The following RBFOX1 variants were observed in gnomAD, a reference collection of about 807,000 sequenced individuals.
The protein encoded by RBFOX1 is RNA binding fox-1 homolog 1.
RBFOX1 carries 8 observed loss-of-function variants against 57.7 expected under a neutral mutation model. The observed-to-expected ratio is 0.14, with a 90% CI of 0.08 to 0.25. The LOEUF (loss-of-function observed/expected upper bound fraction) is 0.25, where lower values mean the gene tolerates loss of function less well. Ranked by LOEUF, RBFOX1 falls within the 10% of genes least tolerant of loss-of-function variation. RBFOX1 has a pLI of 1.00. For missense variants in RBFOX1, 611 were observed against 548.5 expected (o/e 1.11, Z -1.14); for synonymous variants, 326 against 222.4 (o/e 1.47, Z -4.15).
intron 2 of RBFOX1, among the ~76,000 whole-genome samples, chr16:5,578,825 CCA>C (rs139917677): frequency 7.8e-6 from 1 of 129,020 alleles, no homozygotes; most frequent in Non-Finnish European, 1.6e-5. Flanking sequence ...CATGAAACCT[CCA>C]CACACACACA....
rs961386659 is a variant in RBFOX1, at chr16:7,261,041, A to G, written c.27+208943A>G. On this transcript the variant is annotated intron_variant, in intron 4 of 15. Coordinates refer to ENST00000550418, the MANE Select transcript of RBFOX1 (RefSeq NM_018723.4). ...TTCTCCCAAGCCTACCTTGGCGTCT[A>G]TGACTCCACCTGAAAAATGGCCCAA... is the stretch of plus-strand genomic sequence containing the variant. Among the ~76,000 whole-genome samples the G allele has an allele frequency of 4.6e-5, 7 of 152,292 alleles. No individual in the cohort carries two copies. In the East Asian group the frequency reaches 1.2e-3, roughly 25 times the overall value.
Position 5,355,057 on chromosome 16 carries a change from A to G in RBFOX1, c.220-112159A>G, listed in dbSNP as rs376141067. 5.9e-5 allele frequency among the ~76,000 whole-genome samples: 9 copies of G among 152,108 alleles called. No individual in the cohort carries two copies. The East Asian group carries it at 1.7e-3, about 29-fold the overall frequency. ...ACAGAGAAGGGGACAGACAGAGAAG[A>G]GAGAGAAAGAGAGAAATAAGAGAGA... On this transcript the variant is annotated intron_variant, in intron 1 of 2. Coordinates refer to the RBFOX1 transcript ENST00000585867.
chr16:6,903,995 A>C (rs2069125266), intron 3 of RBFOX1, among the ~76,000 whole-genome samples: 1 of 152,132 alleles, frequency 6.6e-6, no homozygotes, highest in South Asian at 2.1e-4. Context: ...GGGAGTGACC[A>C]CGTGGTCACA....
intron 3 of RBFOX1, among the ~76,000 whole-genome samples, chr16:5,662,021 C>T (rs547182447): frequency 6.6e-6 from 1 of 152,046 alleles, no homozygotes; most frequent in South Asian, 2.1e-4. Context: ...CTCCTGACGT[C>T]GTAATCCACT....
chr16:7,006,195 G>A (rs1172277178), intron 3 of RBFOX1, among the ~76,000 whole-genome samples: 1 of 151,648 alleles, frequency 6.6e-6, no homozygotes, highest in East Asian at 1.9e-4. Context: ...TCTGTTTGTT[G>A]CCAGGCTGGA....
intron 1 of RBFOX1, among the ~76,000 whole-genome samples, chr16:5,245,352 G>C (rs919037808): frequency 7.2e-5 from 11 of 152,174 alleles, no homozygotes; most frequent in African/African-American, 2.4e-4. Context: ...TGGGACCCAG[G>C]GGGCAATGTG....
chr16:7,369,400 C>G (rs1480525629), intron 4 of RBFOX1, among the ~76,000 whole-genome samples: 4 of 152,030 alleles, frequency 2.6e-5, no homozygotes, highest in Admixed American at 2.0e-4. Flanking sequence ...CTCCCTCAAG[C>G]CCTTTCATCT....
chr16:6,954,811 G>A (rs750317555), intron 3 of RBFOX1, among the ~76,000 whole-genome samples: 1 of 152,220 alleles, frequency 6.6e-6, no homozygotes, highest in African/African-American at 2.4e-5. Flanking sequence ...AGAAGGGTTC[G>A]AACCTCATTT....
chr16:7,272,676 A>G (rs2095347988), intron 4 of RBFOX1, among the ~76,000 whole-genome samples: 1 of 151,942 alleles, frequency 6.6e-6, no homozygotes, highest in African/African-American at 2.4e-5. Context: ...AGGGGGAGGG[A>G]TGGAAGGAGG....
chr16:6,847,356 G>C (rs915212434), intron 3 of RBFOX1, among the ~76,000 whole-genome samples: 1 of 152,128 alleles, frequency 6.6e-6, no homozygotes, highest in Non-Finnish European at 1.5e-5. Context: ...CAACTGCAAG[G>C]GGGTCTTCAA....
At chr16:5,803,417 C>G (rs1220889454) in intron 3 of RBFOX1, among the ~76,000 whole-genome samples, 1 of 152,204 alleles carries the variant, frequency 6.6e-6, no homozygotes, top group Non-Finnish European at 1.5e-5. Context: ...AGTTCCCACA[C>G]TGACCAGATC....
chr16:6,785,961 A>C (rs942271257), intron 3 of RBFOX1, among the ~76,000 whole-genome samples: 3 of 152,214 alleles, frequency 2.0e-5, no homozygotes, highest in Admixed American at 2.0e-4. Flanking sequence ...CCCAGGTGGC[A>C]CTTACCAACA....
intron 2 of RBFOX1, among the ~76,000 whole-genome samples, chr16:6,387,334 A>G (rs1855161459): frequency 6.6e-6 from 1 of 152,052 alleles, no homozygotes; most frequent in African/African-American, 2.4e-5. Context: ...CACTCAGAGC[A>G]CTCAGCGCCT....
chr16:6,718,477 G>A (rs1398133777), intron 3 of RBFOX1, among the ~76,000 whole-genome samples: 4 of 151,364 alleles, frequency 2.6e-5, no homozygotes, highest in Non-Finnish European at 4.4e-5. Context: ...GGTGTTCACG[G>A]TTGGACAGAG....
intron 14 of RBFOX1, among the ~76,000 whole-genome samples, chr16:7,706,849 C>T (rs892905096): frequency 1.3e-5 from 2 of 152,186 alleles, no homozygotes; most frequent in South Asian, 2.1e-4. Context: ...CTATGTACTT[C>T]TAGTTAAGTG....
chr16:6,416,248 C>T (rs948268271), intron 2 of RBFOX1, among the ~76,000 whole-genome samples: 1 of 152,156 alleles, frequency 6.6e-6, no homozygotes, highest in African/African-American at 2.4e-5. Context: ...TTTTCTCAGC[C>T]ATCTCCACAT....
intron 3 of RBFOX1, among the ~76,000 whole-genome samples, chr16:5,826,303 T>C (rs2056052838): frequency 6.6e-6 from 1 of 152,190 alleles, no homozygotes; most frequent in Non-Finnish European, 1.5e-5. Flanking sequence ...AAGTGTGAAT[T>C]GTGAAGCAAA....
chr16:6,583,886 G>T (rs1243362054), intron 2 of RBFOX1, among the ~76,000 whole-genome samples: 2 of 152,026 alleles, frequency 1.3e-5, no homozygotes, highest in Non-Finnish European at 2.9e-5. Flanking sequence ...AATGTTAAAG[G>T]CTAATCAGTT....
intron 2 of RBFOX1, among the ~76,000 whole-genome samples, chr16:5,490,830 T>A (rs924394351): frequency 4.6e-5 from 7 of 152,176 alleles, no homozygotes; most frequent in African/African-American, 1.7e-4. Flanking sequence ...AATAAACTTT[T>A]TTTTCTTTCA....
Sources: allele counts gnomAD v4.1 joint callset (sites outside exome capture counted in the v4.1 genomes callset), GRCh38; gene constraint gnomAD v4.1.1; transcripts MANE v1.5; gene names NCBI Gene and HGNC (gene_info 2026-07-23, HGNC 2026-07-21).